The following RPGRIP1L variants were observed in gnomAD, a reference collection of about 807,000 sequenced individuals.
RPGRIP1L encodes protein fantom.
RPGRIP1L carries 131 observed loss-of-function variants against 160.4 expected under a neutral mutation model. The observed-to-expected ratio is 0.82, with a 90% CI of 0.71 to 0.94. The LOEUF (loss-of-function observed/expected upper bound fraction) is 0.94, where lower values mean the gene tolerates loss of function less well. Ranked by LOEUF, RPGRIP1L falls within the 40% of genes least tolerant of loss-of-function variation. RPGRIP1L has a pLI of 0.00. For missense variants in RPGRIP1L, 1,522 were observed against 1,535.8 expected (o/e 0.99, Z 0.15); for synonymous variants, 510 against 515.8 (o/e 0.99, Z 0.15).
At chr16:53,650,008 ACTTT>A (rs1350113915) in intron 15 of RPGRIP1L, among the ~76,000 whole-genome samples, 4 of 152,162 alleles carry the variant, frequency 2.6e-5, no homozygotes, top group African/African-American at 9.7e-5. Context: ...ACTCTCTCCT[ACTTT>A]ATCAATTTTT....
intron 15 of RPGRIP1L, among the ~76,000 whole-genome samples, 166 bp downstream of exon 15, chr16:53,652,369 G>A (rs1468711581): frequency 2.6e-5 from 4 of 152,246 alleles, no homozygotes; most frequent in South Asian, 4.1e-4. Context: ...CACTGTGCTC[G>A]GCATCAGTGA....
chr16:53,602,563 G>A (rs978259391), intron 26 of RPGRIP1L, among the ~76,000 whole-genome samples: 3 of 152,046 alleles, frequency 2.0e-5, no homozygotes, highest in African/African-American at 7.2e-5. Flanking sequence ...ATCACCTGAG[G>A]TTGAGAGTTT....
rs1268527884 is a variant in RPGRIP1L at position 53,622,291 on chromosome 16, G to C, written c.3360C>G (p.Leu1120=). 3.0e-6 allele frequency: 2 copies of C among 658,054 alleles called. No individual in the cohort carries two copies. The highest frequency in any genetic ancestry group is 5.6e-6 in the Non-Finnish European group (2 of 357,690). The allele number at this position is 658,054 out of a possible 1,614,324, so 40.8% of individuals were successfully genotyped here. A position where few individuals can be genotyped will look rare whatever the true frequency, so the allele number is the denominator to read the frequency against. The change falls in exon 23 of 27, where the codon CTC becomes CTG. Residue 1120 remains leucine (L), a synonymous_variant. Transcript: ENST00000647211. The stretch of plus-strand genomic sequence containing the variant: ...AGGCAGGAAAATCGCTGGAACCCGG[G>C]AGGCGGAAGTTGCAGTGAGCTGAGA... The part of the protein sequence containing the change: ...SAISAHCNFR[L]PGSSDFPASA...
At chr16:53,603,935 G>A (rs1963520767) in intron 26 of RPGRIP1L, among the ~76,000 whole-genome samples, 1 of 152,084 alleles carries the variant, frequency 6.6e-6, no homozygotes, top group Non-Finnish European at 1.5e-5. Context: ...CCCAAAACAT[G>A]GCCACAATAG....
At chr16:53,691,899 TTAAA>T (rs1970408041) in intron 4 of RPGRIP1L, among the ~76,000 whole-genome samples, 163 bp downstream of exon 4, 1 of 152,368 alleles carries the variant, frequency 6.6e-6, no homozygotes, top group South Asian at 2.1e-4. Context: ...CTAGTGATTC[TTAAA>T]TAATCTTCAC....
At chr16:53,618,657 C>T (rs1165031041) in intron 24 of RPGRIP1L, among the ~76,000 whole-genome samples, 7 of 152,196 alleles carry the variant, frequency 4.6e-5, no homozygotes, top group Admixed American at 1.3e-4. Flanking sequence ...AATCCTCCTG[C>T]CTCAGCCTCC....
At chr16:53,686,673 C>T in intron 5 of RPGRIP1L, 97 bp from the exon 6 acceptor site, 1 of 1,302,236 alleles carries the variant, frequency 7.7e-7, no homozygotes, top group Non-Finnish European at 1.1e-6. Flanking sequence ...AAAGAGCAAG[C>T]AGAAGTTAAA....
At chr16:53,686,307 A>G in intron 6 of RPGRIP1L, 126 bp downstream of exon 6, 1 of 1,052,316 alleles carries the variant, frequency 9.5e-7, no homozygotes, top group Non-Finnish European at 1.4e-6. Flanking sequence ...ATAGGCTTAT[A>G]TGAAGAATGT....
chr16:53,662,532 G>C (rs1466234883), intron 10 of RPGRIP1L, among the ~76,000 whole-genome samples: 7 of 152,078 alleles, frequency 4.6e-5, no homozygotes, highest in Admixed American at 1.3e-4. Context: ...GAAGGTAAAT[G>C]TATGAAGACA....
Position 53,656,577 on chromosome 16 carries a change from C to T in RPGRIP1L, c.1594G>A (p.Ala532Thr). 6.2e-7 allele frequency: 1 copy of T among 1,609,688 alleles called. No individual in the cohort carries two copies. Among genetic ancestry groups the T allele is most frequent in the Non-Finnish European group, 8.5e-7 (1 of 1,175,986 alleles). ...AAATTTTCCATCTTACGGGTCACTG[C>T]CTCAACCTCCATCTACAAAATAAGG... ...INKDYQMEVE[A>T]VTRKMENLQQ... Residue 532 changes from alanine to threonine, a missense_variant, in exon 14 of 27, where the codon GCA (alanine) becomes ACA (threonine). Coordinates refer to ENST00000647211, the MANE Select transcript of RPGRIP1L (RefSeq NM_015272.5).
chr16:53,637,847 T>C lies in RPGRIP1L; in HGVS notation c.3068A>G (p.Gln1023Arg), dbSNP rs1965940078. Reference protein sequence around the residue: ...LTVPHVPKVSQEGSVDEVKEN... With the variant: ...LTVPHVPKVSREGSVDEVKEN... ...TTTTACCTCATCTACACTGCCTTCTTGTGAAACCTGAAGAAATCAAAGCAC... is the reference window on the plus strand; with the variant it reads ...TTTTACCTCATCTACACTGCCTTCTCGTGAAACCTGAAGAAATCAAAGCAC... Residue 1023 changes from glutamine to arginine, a missense_variant, in exon 21 of 27, where the codon CAA (glutamine) becomes CGA (arginine). Coordinates refer to ENST00000647211, the MANE Select transcript of RPGRIP1L (RefSeq NM_015272.5). 3.1e-6 allele frequency: 5 copies of C among 1,612,718 alleles called. No individual in the cohort carries two copies. Among genetic ancestry groups the C allele is most frequent in the Non-Finnish European group, 4.2e-6 (5 of 1,179,546 alleles).
At chr16:53,666,596 A>G (rs200963199) in intron 9 of RPGRIP1L, among the ~76,000 whole-genome samples, 15,268 of 138,592 alleles carry the variant, frequency 0.11, 1,120 homozygotes, top group East Asian at 0.31. Flanking sequence ...GTGTGTGTAT[A>G]TATATATATA....
intron 24 of RPGRIP1L, among the ~76,000 whole-genome samples, chr16:53,615,746 G>A (rs771602070): frequency 1.3e-5 from 2 of 151,766 alleles, no homozygotes; most frequent in Non-Finnish European, 2.9e-5. Flanking sequence ...TTTCAGGTGT[G>A]AGCCACTATG....
At chr16:53,686,640 G>A (rs1598401514) in intron 5 of RPGRIP1L, 64 bp from the exon 6 acceptor site, 18 of 1,544,730 alleles carry the variant, frequency 1.2e-5, no homozygotes, top group Non-Finnish European at 1.5e-5. Flanking sequence ...GTTAAGATCA[G>A]TGCAAAGAAA....
rs1449006999 is a variant in RPGRIP1L at position 53,601,935 on chromosome 16, C to T, written c.*141G>A. The stretch of plus-strand genomic sequence containing the variant: ...AATGAAAAAGTATACAAAACTTCAA[C>T]ACTTCAAACCCAGGTCTCCCCGCTC... On this transcript the variant is annotated 3_prime_UTR_variant, in exon 27 of 27. Coordinates refer to ENST00000647211, the MANE Select transcript of RPGRIP1L (RefSeq NM_015272.5). 1.8e-5 allele frequency: 12 copies of T among 670,230 alleles called. No individual in the cohort carries two copies. The highest frequency in any genetic ancestry group is 2.7e-5 in the Non-Finnish European group (10 of 366,942). 41.5% of individuals were successfully genotyped at this position (670,230 alleles called of 1,614,324 possible). A position where few individuals can be genotyped will look rare whatever the true frequency, so the allele number is the denominator to read the frequency against.
At chr16:53,695,899 G>C in intron 3 of RPGRIP1L, 1 of 410,594 alleles carries the variant, frequency 2.4e-6, no homozygotes, top group South Asian at 2.8e-5. Flanking sequence ...TTATTTATAG[G>C]TATGATATAC....
At chr16:53,618,758 G>A (rs1964533323) in intron 24 of RPGRIP1L, among the ~76,000 whole-genome samples, 1 of 151,972 alleles carries the variant, frequency 6.6e-6, no homozygotes, top group Non-Finnish European at 1.5e-5. Flanking sequence ...TGTAGCCCAG[G>A]CTGGTCTGGA....
chr16:53,611,346 T>C (rs1343714065), intron 24 of RPGRIP1L, among the ~76,000 whole-genome samples: 6 of 152,240 alleles, frequency 3.9e-5, no homozygotes, highest in Non-Finnish European at 8.8e-5. Flanking sequence ...GTCATGACAG[T>C]AAAAGTCAAC....
chr16:53,617,440 A>C (rs965622696), intron 24 of RPGRIP1L, among the ~76,000 whole-genome samples: 2 of 152,050 alleles, frequency 1.3e-5, no homozygotes, highest in African/African-American at 4.8e-5. Context: ...CTTTTCTGGT[A>C]CTCTGCAACT....
Sources: gnomAD v4.1 joint callset for allele counts (sites outside exome capture counted in the v4.1 genomes callset) on GRCh38, gnomAD v4.1.1 for gene constraint, MANE v1.5 for transcripts, NCBI Gene and HGNC (gene_info 2026-07-23, HGNC 2026-07-21) for gene names.